Variants in CD99L2 observed in about 807,000 individuals in gnomAD.
CD99L2 encodes the protein CD99 antigen-like protein 2.
A neutral mutation model predicts 27.3 loss-of-function variants in CD99L2; 24 were observed. The observed-to-expected ratio is 0.88, with a 90% CI of 0.64 to 1.24. The LOEUF is 1.24. CD99L2 is among the 50% of genes most tolerant of loss of function. CD99L2 has a pLI of 0.00. For synonymous variants in CD99L2, 97 were observed against 87.9 expected (o/e 1.10, Z -0.58); for missense variants, 255 against 221.6 (o/e 1.15, Z -0.96).
At chrX:150,781,698 C>T (rs781976344) in intron 7 of CD99L2, among the ~76,000 whole-genome samples, 31 of 111,796 alleles carry the variant, frequency 2.8e-4, no homozygotes, top group Admixed American at 2.0e-3. Flanking sequence ...GGACTGCTGC[C>T]GTTGCTATAG....
chrX:150,845,462 A>G (rs1353593340), intron 1 of CD99L2, among the ~76,000 whole-genome samples: 2 of 111,576 alleles, frequency 1.8e-5, no homozygotes, highest in African/African-American at 6.5e-5. Flanking sequence ...AAATGGTGTT[A>G]GTGTGTCTCC....
At chrX:150,892,859 C>T (rs1490734934) in intron 1 of CD99L2, among the ~76,000 whole-genome samples, 5 of 111,266 alleles carry the variant, frequency 4.5e-5, no homozygotes, top group African/African-American at 6.5e-5. Flanking sequence ...CGGTGGTTCA[C>T]GCCTGTAATC....
chrX:150,770,195 T>C, intron 10 of CD99L2, 109 bp downstream of exon 10: 1 of 761,856 alleles, frequency 1.3e-6, no homozygotes. Flanking sequence ...GGCCGGACAT[T>C]CTAGAAGCAG....
chrX:150,881,411 A>G (rs2047322931), intron 1 of CD99L2, among the ~76,000 whole-genome samples: 1 of 112,078 alleles, frequency 8.9e-6, no homozygotes, highest in Non-Finnish European at 1.9e-5. Flanking sequence ...GATTGTAGCC[A>G]GAGCCAGCAA....
At position 150,898,608 on chromosome X, in the gene CD99L2, GC is replaced by G; in HGVS notation, c.-21del. 1 of 1,091,401 alleles carries G rather than the reference GC, an allele frequency of 9.2e-7. No homozygotes were observed. Among genetic ancestry groups the G allele is most frequent in the East Asian group, 4.0e-5 (1 of 24,755 alleles). The allele number at this position is 1,091,401 out of a possible 1,213,427, so 89.9% of individuals were successfully genotyped here. On this transcript the variant is annotated 5_prime_UTR_variant, in exon 1 of 11. Coordinates refer to ENST00000370377, the MANE Select transcript of CD99L2 (RefSeq NM_031462.4). ...CACCATGGCTGGGAGCAGGCGGAGGGCCCCGGAGGAGCACAGTTAGCGCGAG... is the reference window on the plus strand; with the variant it reads ...CACCATGGCTGGGAGCAGGCGGAGGGCCCGGAGGAGCACAGTTAGCGCGAG...
intron 1 of CD99L2, among the ~76,000 whole-genome samples, chrX:150,832,469 A>G (rs2046458453): frequency 9.0e-6 from 1 of 111,709 alleles, no homozygotes. Context: ...ATCAAAAACT[A>G]CAAAAATTAG....
At chrX:150,881,963 G>T (rs367544999) in intron 1 of CD99L2, among the ~76,000 whole-genome samples, 1 of 110,052 alleles carries the variant, frequency 9.1e-6, no homozygotes, top group African/African-American at 3.3e-5. Context: ...GACTACAGGC[G>T]CCCGCCAACA....
At chrX:150,872,316 G>C (rs781799492) in intron 1 of CD99L2, among the ~76,000 whole-genome samples, 1 of 109,764 alleles carries the variant, frequency 9.1e-6, no homozygotes, top group Admixed American at 9.9e-5. Flanking sequence ...GAACATTCTG[G>C]GGGTGACAGA....
chrX:150,858,680 C>T (rs191855058), intron 1 of CD99L2, among the ~76,000 whole-genome samples: 69 of 111,564 alleles, frequency 6.2e-4, no homozygotes, highest in African/African-American at 2.1e-3. Context: ...CATACCAAAA[C>T]CTGTGGAATA....
chrX:150,819,087 T>C, intron 2 of CD99L2: 1 of 320,600 alleles, frequency 3.1e-6, no homozygotes, highest in South Asian at 3.2e-5. Flanking sequence ...GTTCCCAGTT[T>C]TTCATCTCCA....
At chrX:150,846,042 A>C (rs2046696639) in intron 1 of CD99L2, among the ~76,000 whole-genome samples, 1 of 111,274 alleles carries the variant, frequency 9.0e-6, no homozygotes, top group South Asian at 3.9e-4. Flanking sequence ...AATACAAAAA[A>C]TGAGCCAGGC....
intron 10 of CD99L2, among the ~76,000 whole-genome samples, chrX:150,769,739 CATCCCGTGGGCACAGGTCAT>C (rs1466165888): frequency 1.9e-5 from 2 of 106,845 alleles, no homozygotes; most frequent in Non-Finnish European, 1.9e-5. Flanking sequence ...TCCTCATTGG[CATCCCGTGGGCACAGGTCAT>C]ATCTGCCTCG....
chrX:150,791,081 G>A (rs930426707), intron 7 of CD99L2, among the ~76,000 whole-genome samples: 3 of 111,495 alleles, frequency 2.7e-5, no homozygotes, highest in African/African-American at 9.8e-5. Context: ...CTCCAAAAGA[G>A]GATGCAGATC....
chrX:150,801,984 G>A (rs2124142177), intron 4 of CD99L2, among the ~76,000 whole-genome samples: 1 of 111,918 alleles, frequency 8.9e-6, no homozygotes, highest in African/African-American at 3.2e-5. Flanking sequence ...CTTTCTTTAA[G>A]GTCTGAAACA....
intron 7 of CD99L2, among the ~76,000 whole-genome samples, chrX:150,782,789 G>A (rs1342760268): frequency 4.5e-5 from 5 of 111,081 alleles, no homozygotes; most frequent in East Asian, 2.8e-4. Context: ...AAGACCTCAC[G>A]TCACCCAAAG....
At chrX:150,843,629 C>T (rs892127021) in intron 1 of CD99L2, among the ~76,000 whole-genome samples, 6 of 109,402 alleles carry the variant, frequency 5.5e-5, no homozygotes, top group Admixed American at 9.8e-5. Flanking sequence ...CCAGCCTGGG[C>T]AATGCAGTGA....
chrX:150,792,321 G>A lies in CD99L2; in HGVS notation c.496+1370C>T, dbSNP rs142034612. Among the ~76,000 whole-genome samples the A allele has an allele frequency of 2.9e-4, 33 of 112,203 alleles. No homozygotes were observed. In the East Asian group the frequency reaches 9.2e-3, roughly 31 times the overall value. On this transcript the variant is annotated intron_variant, in intron 7 of 10. Transcript: ENST00000370377. Reference sequence around the variant, plus strand: ...CATTCAGACTTTCATTCATGTGTGTGCTTACACGTGTGCCTACTGCTCTCA... The same window carrying A: ...CATTCAGACTTTCATTCATGTGTGTACTTACACGTGTGCCTACTGCTCTCA...
At chrX:150,855,503 T>C (rs1232400637) in intron 1 of CD99L2, among the ~76,000 whole-genome samples, 1 of 110,647 alleles carries the variant, frequency 9.0e-6, no homozygotes, top group Non-Finnish European at 1.9e-5. Context: ...CCACACACTT[T>C]TAAACCATGA....
chrX:150,775,419 G>A (rs948210319), intron 9 of CD99L2, among the ~76,000 whole-genome samples: 13 of 112,641 alleles, frequency 1.2e-4, no homozygotes, highest in African/African-American at 3.5e-4. Context: ...TCCCTCAACA[G>A]CATCCCCACA....
Sources: allele counts gnomAD v4.1 joint callset (sites outside exome capture counted in the v4.1 genomes callset), GRCh38; gene constraint gnomAD v4.1.1; transcripts MANE v1.5; gene names NCBI Gene and HGNC (gene_info 2026-07-23, HGNC 2026-07-21).